ARL15: variants seen among roughly 807,000 people sequenced by gnomAD.
ARL15 encodes ARF like GTPase 15, also known as ADP-ribosylation factor-like protein 15.
In ARL15, 19 loss-of-function variants were observed where a neutral mutation model predicts 25.2. The ratio of observed to expected loss-of-function variants is 0.75; its 90% CI spans 0.53 to 1.10. The LOEUF is 1.10. ARL15 is among the 50% of genes least tolerant of loss of function. The pLI, the probability that ARL15 is intolerant of heterozygous loss-of-function variation, is 0.00. For synonymous variants in ARL15, 94 were observed against 86.8 expected, an observed-to-expected ratio of 1.08 and a Z score of -0.46; for missense variants, 220 against 246.0, an observed-to-expected ratio of 0.89 and a Z score of 0.71.
chr5:54,276,947 G>A (rs916677964), intron 1 of ARL15, among the ~76,000 whole-genome samples: 1 of 152,190 alleles, frequency 6.6e-6, no homozygotes, highest in African/African-American at 2.4e-5. Context: ...TTTTAGGCCA[G>A]TGAAACCCAC....
chr5:54,176,348 C>A (rs1243287512), intron 1 of ARL15, among the ~76,000 whole-genome samples: 4 of 152,202 alleles, frequency 2.6e-5, no homozygotes, highest in African/African-American at 9.7e-5. Flanking sequence ...CAACAGTATG[C>A]TACTTCCAAT....
chr5:54,132,370 A>G (rs1753464634), intron 3 of ARL15, among the ~76,000 whole-genome samples: 1 of 152,124 alleles, frequency 6.6e-6, no homozygotes, highest in Non-Finnish European at 1.5e-5. Flanking sequence ...TTAAGACACT[A>G]CCAGTCAAAA....
chr5:53,951,847 A>ATTTTT lies in ARL15; in HGVS notation c.463-65139_463-65135dup, dbSNP rs59369848. Among the ~76,000 whole-genome samples, 409 of 98,234 alleles carry ATTTTT rather than the reference A, an allele frequency of 4.2e-3. 2 individuals are homozygous for ATTTTT. The highest frequency in any genetic ancestry group is 7.0e-3 in the Admixed American group (58 of 8,330). 64.4% of individuals were successfully genotyped at this position (98,234 alleles called of 152,430 possible). On this transcript the variant is annotated intron_variant, in intron 4 of 4. Transcript: ENST00000504924. ...GTTCTCTTAGACTTTACATAAAAGA[A>ATTTTT]TTTTTTTTTTTTTTTTTTTTTTTTT...
intron 4 of ARL15, among the ~76,000 whole-genome samples, chr5:53,963,498 A>G (rs901916704): frequency 2.0e-5 from 3 of 152,214 alleles, no homozygotes; most frequent in Non-Finnish European, 4.4e-5. Context: ...ATTCAAGAAT[A>G]TAAAATTGAC....
chr5:53,971,051 A>G (rs1366662211), intron 4 of ARL15, among the ~76,000 whole-genome samples: 2 of 152,190 alleles, frequency 1.3e-5, no homozygotes, highest in Non-Finnish European at 2.9e-5. Context: ...TATCAAAGAG[A>G]AGTGCCTAAG....
At chr5:54,043,804 G>C (rs1188673267) in intron 4 of ARL15, among the ~76,000 whole-genome samples, 1 of 149,814 alleles carries the variant, frequency 6.7e-6, no homozygotes, top group Non-Finnish European at 1.5e-5. Flanking sequence ...CTCTTAATAA[G>C]AGAAAATTCT....
chr5:53,909,362 CTT>C (rs1377560867), intron 4 of ARL15, among the ~76,000 whole-genome samples: 1 of 152,118 alleles, frequency 6.6e-6, no homozygotes, highest in Non-Finnish European at 1.5e-5. Flanking sequence ...AATAATTGGA[CTT>C]AAAATAATAA....
chr5:54,102,014 G>GT (rs1322800869), intron 4 of ARL15, among the ~76,000 whole-genome samples: 444 of 40,008 alleles, frequency 0.011, 2 homozygotes, highest in African/African-American at 0.072. Context: ...TTTATTTTTT[G>GT]TTTTGTTTTT....
intron 1 of ARL15, among the ~76,000 whole-genome samples, chr5:54,287,869 T>C (rs1251517546): frequency 1.3e-5 from 2 of 152,138 alleles, no homozygotes; most frequent in African/African-American, 2.4e-5. Context: ...ACAACCATGG[T>C]GTGGCCTAGC....
chr5:54,160,223 T>C (rs1250847023), intron 2 of ARL15, among the ~76,000 whole-genome samples: 1 of 152,260 alleles, frequency 6.6e-6, no homozygotes, highest in Admixed American at 6.5e-5. Flanking sequence ...TACTGGCATT[T>C]ATAAAACACA....
intron 1 of ARL15, among the ~76,000 whole-genome samples, chr5:54,224,902 G>A (rs186896293): frequency 5.7e-4 from 87 of 152,210 alleles, no homozygotes; most frequent in African/African-American, 1.8e-3. Context: ...CACTCAGGTG[G>A]GAACTGAGAA....
intron 4 of ARL15, among the ~76,000 whole-genome samples, chr5:54,110,112 G>A (rs1752696616): frequency 1.3e-5 from 2 of 151,962 alleles, no homozygotes; most frequent in South Asian, 4.1e-4. Context: ...AATTGGGCAT[G>A]TTGCCCTCTC....
intron 1 of ARL15, among the ~76,000 whole-genome samples, chr5:54,242,661 A>G (rs1756989771): frequency 6.6e-6 from 1 of 152,178 alleles, no homozygotes; most frequent in South Asian, 2.1e-4. Flanking sequence ...CAGGAAGGGA[A>G]GCCTCTTCTG....
At chr5:53,992,829 G>A (rs1748547544) in intron 4 of ARL15, among the ~76,000 whole-genome samples, 1 of 117,152 alleles carries the variant, frequency 8.5e-6, no homozygotes. Flanking sequence ...GGGAGGCCGA[G>A]GTGGGTCGGG....
At chr5:53,932,356 G>A (rs527679604) in intron 4 of ARL15, among the ~76,000 whole-genome samples, 2 of 152,254 alleles carry the variant, frequency 1.3e-5, no homozygotes, top group Non-Finnish European at 2.9e-5. Context: ...AAACGGAACC[G>A]AGCAACGCCC....
chr5:54,265,594 C>T (rs1455007004), intron 1 of ARL15, among the ~76,000 whole-genome samples: 1 of 152,070 alleles, frequency 6.6e-6, no homozygotes, highest in Non-Finnish European at 1.5e-5. Context: ...TCAGATTTTG[C>T]ACTTTTATGG....
chr5:54,152,684 C>G (rs774197678), intron 3 of ARL15, among the ~76,000 whole-genome samples: 2 of 152,244 alleles, frequency 1.3e-5, no homozygotes, highest in Non-Finnish European at 2.9e-5. Context: ...CCCTGAGGCT[C>G]TGCCTTTTAC....
chr5:54,083,958 G>T (rs1751879291), intron 4 of ARL15, among the ~76,000 whole-genome samples: 1 of 152,174 alleles, frequency 6.6e-6, no homozygotes, highest in African/African-American at 2.4e-5. Context: ...CAGAAAAGAA[G>T]ATGACTGAAT....
chr5:53,993,463 G>A (rs1008335114), intron 4 of ARL15, among the ~76,000 whole-genome samples: 1 of 152,108 alleles, frequency 6.6e-6, no homozygotes, highest in Non-Finnish European at 1.5e-5. Flanking sequence ...AAGGAATGAT[G>A]AAGATAATGA....
Sources: gnomAD v4.1 joint callset for allele counts (sites outside exome capture counted in the v4.1 genomes callset) on GRCh38, gnomAD v4.1.1 for gene constraint, MANE v1.5 for transcripts, NCBI Gene and HGNC (gene_info 2026-07-23, HGNC 2026-07-21) for gene names.